Variants in SGMS1 observed in about 807,000 individuals in gnomAD.
SGMS1 encodes phosphatidylcholine:ceramide cholinephosphotransferase 1.
A neutral mutation model predicts 46.2 loss-of-function variants in SGMS1; 13 were observed. That is an observed-to-expected ratio of 0.28 (90% confidence interval 0.18 to 0.45). The LOEUF is 0.45. SGMS1 is among the 20% of genes least tolerant of loss of function. The pLI is 1.00. For missense variants in SGMS1, 324 were observed against 519.9 expected, an observed-to-expected ratio of 0.62 and a Z score of 3.66; for synonymous variants, 203 against 187.8, an observed-to-expected ratio of 1.08 and a Z score of -0.66.
At position 50,343,569 on chromosome 10, in the gene SGMS1, C is replaced by A; in HGVS notation, c.546G>T (p.Trp182Cys). The A allele has an allele frequency of 6.2e-7, 1 of 1,614,006 alleles. No homozygotes were observed. The highest frequency in any genetic ancestry group is 8.5e-7 in the Non-Finnish European group (1 of 1,180,022). The stretch of plus-strand genomic sequence containing the variant: ...CATTAATTTCACAAATAGAAAAGGC[C>A]CACTGCACCCGGTTAAAATGGTCAA... ...TFFDHFNRVQ[W>C]AFSICEINGM... The change falls in exon 7 of 11, where the codon TGG becomes TGT. Residue 182 changes from tryptophan to cysteine, a missense_variant. By Grantham distance (215) the Trp-to-Cys change is radical (BLOSUM62 -2). Coordinates refer to ENST00000361781, the MANE Select transcript of SGMS1 (RefSeq NM_147156.4).
At chr10:50,356,082 G>A (rs1007841052) in intron 6 of SGMS1, among the ~76,000 whole-genome samples, 1 of 152,144 alleles carries the variant, frequency 6.6e-6, no homozygotes, top group African/African-American at 2.4e-5. Flanking sequence ...CATTGAGAAC[G>A]GGCCATGATG....
intron 3 of SGMS1, among the ~76,000 whole-genome samples, chr10:50,489,672 C>T (rs1207443294): frequency 6.6e-6 from 1 of 152,114 alleles, no homozygotes; most frequent in Non-Finnish European, 1.5e-5. Flanking sequence ...GTCAAAATCA[C>T]TCATTAAAAA....
At chr10:50,457,502 T>G (rs376501891) in intron 5 of SGMS1, among the ~76,000 whole-genome samples, 1 of 152,144 alleles carries the variant, frequency 6.6e-6, no homozygotes, top group African/African-American at 2.4e-5. Context: ...TGAGGCTTGG[T>G]GTACGAAGGA....
intron 3 of SGMS1, among the ~76,000 whole-genome samples, chr10:50,477,646 G>A (rs1393069407): frequency 1.3e-5 from 2 of 152,178 alleles, no homozygotes; most frequent in African/African-American, 2.4e-5. Context: ...AGTGTTGGAG[G>A]TGGGGCCTGG....
Position 50,615,480 on chromosome 10 carries a change from T to A in SGMS1, c.-684+8227A>T, listed in dbSNP as rs147477365. ...TACCAGAGAGTTGGGGAAACTGAGG[T>A]GCAGAAGGTTTGCATAACCTGCCTA... On this transcript the variant is annotated intron_variant, in intron 1 of 10. Coordinates refer to ENST00000361781, the MANE Select transcript of SGMS1 (RefSeq NM_147156.4). Among the ~76,000 whole-genome samples, 37 of 152,280 alleles carry A rather than the reference T, an allele frequency of 2.4e-4. No homozygotes were observed. The East Asian group carries it at 3.9e-3, about 16-fold the overall frequency.
At chr10:50,415,103 A>G (rs1431026600) in intron 6 of SGMS1, among the ~76,000 whole-genome samples, 3 of 152,400 alleles carry the variant, frequency 2.0e-5, no homozygotes, top group East Asian at 3.9e-4. Flanking sequence ...CCTGGGTGAC[A>G]GAGCGAGACT....
chr10:50,433,195 C>T (rs562448661), intron 6 of SGMS1, among the ~76,000 whole-genome samples: 4 of 152,170 alleles, frequency 2.6e-5, no homozygotes, highest in Non-Finnish European at 5.9e-5. Flanking sequence ...TAAATGCTGA[C>T]CATGTGCAGG....
chr10:50,485,979 C>G (rs1837518020), intron 3 of SGMS1, among the ~76,000 whole-genome samples: 1 of 152,066 alleles, frequency 6.6e-6, no homozygotes, highest in African/African-American at 2.4e-5. Flanking sequence ...GCACATAGAC[C>G]AATGGAACAG....
At chr10:50,574,589 C>T (rs1473273874) in intron 2 of SGMS1, among the ~76,000 whole-genome samples, 1 of 152,054 alleles carries the variant, frequency 6.6e-6, no homozygotes, top group Non-Finnish European at 1.5e-5. Context: ...AGAAATTTCT[C>T]AAAAAGTTAA....
At chr10:50,497,135 C>T (rs185440679) in intron 3 of SGMS1, among the ~76,000 whole-genome samples, 68 of 152,304 alleles carry the variant, frequency 4.5e-4, no homozygotes, top group African/African-American at 1.6e-3. Flanking sequence ...CAAGTGTCAA[C>T]GATTAACGAT....
Position 50,623,891 on chromosome 10 carries a change from G to A in SGMS1, c.-868C>T. 1 of 987,040 alleles carries A rather than the reference G, an allele frequency of 1.0e-6. No homozygotes were observed. Among genetic ancestry groups the A allele is most frequent in the Non-Finnish European group, 1.2e-6 (1 of 831,334 alleles). 61.1% of individuals were successfully genotyped at this position (987,040 alleles called of 1,614,324 possible). A position where few individuals can be genotyped will look rare whatever the true frequency, so the allele number is the denominator to read the frequency against. The stretch of plus-strand genomic sequence containing the variant: ...CTCACTCCCGACCTGCCCGCCGCCT[G>A]CCGCCCGCAGCCGCTGCCCCGCTGG... On this transcript the variant is annotated 5_prime_UTR_variant, in exon 1 of 11. Coordinates refer to ENST00000361781, the MANE Select transcript of SGMS1 (RefSeq NM_147156.4).
At chr10:50,551,718 C>T (rs1838150045) in intron 2 of SGMS1, among the ~76,000 whole-genome samples, 2 of 151,948 alleles carry the variant, frequency 1.3e-5, no homozygotes, top group Admixed American at 6.6e-5. Context: ...GGCTCCTCTC[C>T]CTCCCATACC....
chr10:50,487,946 T>G (rs1017292089), intron 3 of SGMS1, among the ~76,000 whole-genome samples: 8 of 151,962 alleles, frequency 5.3e-5, no homozygotes, highest in African/African-American at 1.9e-4. Context: ...TCCTTAAACA[T>G]GTTTTTGAGG....
chr10:50,532,996 G>A (rs117427656), intron 2 of SGMS1, among the ~76,000 whole-genome samples: 3,520 of 152,188 alleles, frequency 0.023, 64 homozygotes, highest in Non-Finnish European at 0.035. Context: ...GTCTGGTGGG[G>A]CATACACAAC....
chr10:50,378,815 G>C (rs1393351251), intron 6 of SGMS1, among the ~76,000 whole-genome samples: 1 of 152,050 alleles, frequency 6.6e-6, no homozygotes, highest in Non-Finnish European at 1.5e-5. Flanking sequence ...CCATTTTTAA[G>C]GAATATCAAA....
chr10:50,505,825 C>A (rs537384064), intron 3 of SGMS1, among the ~76,000 whole-genome samples: 8 of 152,062 alleles, frequency 5.3e-5, no homozygotes, highest in Non-Finnish European at 1.2e-4. Context: ...AGCAGAGGCC[C>A]GAGGAATGGG....
intron 3 of SGMS1, among the ~76,000 whole-genome samples, chr10:50,511,186 A>T (rs1213915512): frequency 6.6e-6 from 1 of 152,004 alleles, no homozygotes; most frequent in African/African-American, 2.4e-5. Flanking sequence ...AGCAAACAAG[A>T]GAACAGTACT....
chr10:50,452,982 A>G (rs1837131308), intron 5 of SGMS1, among the ~76,000 whole-genome samples: 1 of 152,192 alleles, frequency 6.6e-6, no homozygotes, highest in Non-Finnish European at 1.5e-5. Context: ...GGCTACAGGC[A>G]CCTGGGAGAA....
At chr10:50,603,831 T>C (rs1838670583) in intron 1 of SGMS1, among the ~76,000 whole-genome samples, 1 of 152,144 alleles carries the variant, frequency 6.6e-6, no homozygotes, top group Admixed American at 6.5e-5. Flanking sequence ...TGTACAAAAT[T>C]TATCTTCCAC....
Sources: gnomAD v4.1 joint callset for allele counts (sites outside exome capture counted in the v4.1 genomes callset) on GRCh38, gnomAD v4.1.1 for gene constraint, MANE v1.5 for transcripts, NCBI Gene and HGNC (gene_info 2026-07-23, HGNC 2026-07-21) for gene names.